AFF3: variants seen among roughly 807,000 people sequenced by gnomAD.
The protein encoded by AFF3 is ALF transcription elongation factor 3, also known as AF4/FMR2 family member 3.
A neutral mutation model predicts 129.7 loss-of-function variants in AFF3; 32 were observed. The ratio of observed to expected loss-of-function variants is 0.25; its 90% CI spans 0.19 to 0.33. The LOEUF (loss-of-function observed/expected upper bound fraction) is 0.33, where lower values mean the gene tolerates loss of function less well. AFF3 is among the 10% of genes least tolerant of loss of function. AFF3 has a pLI of 1.00. For missense variants in AFF3, 1,373 were observed against 1,592.0 expected (o/e 0.86, Z 2.34); for synonymous variants, 644 against 635.4 (o/e 1.01, Z -0.20).
At chr2:100,057,216 G>C (rs1686868203) in intron 4 of AFF3, among the ~76,000 whole-genome samples, 1 of 151,296 alleles carries the variant, frequency 6.6e-6, no homozygotes, top group Non-Finnish European at 1.5e-5. Flanking sequence ...AGCTACTCAG[G>C]AGGCTGAGGC....
At chr2:100,114,649 T>TG (rs1384463330) in intron 2 of AFF3, among the ~76,000 whole-genome samples, 3 of 152,104 alleles carry the variant, frequency 2.0e-5, no homozygotes, top group African/African-American at 7.2e-5. Context: ...CCCAAAGTGT[T>TG]GGGATTACAG....
At chr2:99,841,198 C>G (rs932660644) in intron 7 of AFF3, among the ~76,000 whole-genome samples, 1 of 152,284 alleles carries the variant, frequency 6.6e-6, no homozygotes, top group Admixed American at 6.5e-5. Flanking sequence ...TGACAGGTTG[C>G]TTTTATAACT....
intron 4 of AFF3, among the ~76,000 whole-genome samples, chr2:100,102,361 A>C (rs1158184746): frequency 6.6e-6 from 1 of 151,832 alleles, no homozygotes; most frequent in Non-Finnish European, 1.5e-5. Flanking sequence ...CCTCCCGGTC[A>C]AGCCAAACTG....
chr2:99,689,715 A>G (rs184235040), intron 11 of AFF3, among the ~76,000 whole-genome samples: 29 of 150,476 alleles, frequency 1.9e-4, no homozygotes, highest in African/African-American at 7.1e-4. Context: ...AGGAGACAAG[A>G]CCTGCAAAGA....
intron 8 of AFF3, among the ~76,000 whole-genome samples, chr2:99,753,502 A>T (rs80298549): frequency 1.3e-5 from 2 of 152,276 alleles, no homozygotes; most frequent in Non-Finnish European, 2.9e-5. Flanking sequence ...GCTCGAGGTG[A>T]GGACATTTCC....
intron 7 of AFF3, among the ~76,000 whole-genome samples, chr2:99,880,528 C>T (rs991175953): frequency 1.3e-5 from 2 of 152,146 alleles, no homozygotes; most frequent in Non-Finnish European, 2.9e-5. Context: ...GGATGGGCAG[C>T]GTGGGCTGGC....
chr2:99,635,150 T>C, intron 13 of AFF3, among the ~76,000 whole-genome samples: 1 of 151,812 alleles, frequency 6.6e-6, no homozygotes, highest in East Asian at 1.9e-4. Flanking sequence ...CACATATCTC[T>C]AGGTATATGA....
chr2:99,708,203 T>A (rs547264883), intron 11 of AFF3, among the ~76,000 whole-genome samples: 2 of 152,302 alleles, frequency 1.3e-5, no homozygotes, highest in South Asian at 4.2e-4. Flanking sequence ...TTATATTTTA[T>A]CTGGCAACAC....
chr2:99,563,718 G>A (rs1423923480), intron 20 of AFF3, among the ~76,000 whole-genome samples: 1 of 145,088 alleles, frequency 6.9e-6, no homozygotes, highest in Non-Finnish European at 1.5e-5. Context: ...GCTGAGGCAG[G>A]AGAATCACTT....
chr2:99,754,611 T>C (rs976562072), intron 8 of AFF3, among the ~76,000 whole-genome samples: 7 of 152,310 alleles, frequency 4.6e-5, no homozygotes, highest in African/African-American at 1.7e-4. Context: ...CCATAAAAAA[T>C]GAGTAACAGT....
intron 13 of AFF3, among the ~76,000 whole-genome samples, chr2:99,636,598 C>T (rs188170029): frequency 2.0e-5 from 3 of 152,098 alleles, no homozygotes; most frequent in South Asian, 2.1e-4. Context: ...CAGAATTTGG[C>T]GGATCGAATG....
At chr2:99,977,743 C>T (rs1224117779) in intron 7 of AFF3, among the ~76,000 whole-genome samples, 4 of 152,154 alleles carry the variant, frequency 2.6e-5, no homozygotes, top group African/African-American at 9.7e-5. Flanking sequence ...AGGGGACACA[C>T]AAGGAGCTGG....
intron 11 of AFF3, among the ~76,000 whole-genome samples, chr2:99,710,869 G>T (rs1434308498): frequency 2.0e-5 from 3 of 152,172 alleles, no homozygotes; most frequent in African/African-American, 7.2e-5. Context: ...AATACACTCT[G>T]CCAACAGCAG....
At chr2:99,624,793 G>A (rs1010355003) in intron 13 of AFF3, among the ~76,000 whole-genome samples, 1 of 152,258 alleles carries the variant, frequency 6.6e-6, no homozygotes, top group African/African-American at 2.4e-5. Context: ...AGGCCAGCCA[G>A]GTGCTGAGGC....
intron 7 of AFF3, among the ~76,000 whole-genome samples, chr2:99,862,880 C>T (rs977022371): frequency 1.3e-5 from 2 of 152,180 alleles, no homozygotes; most frequent in Non-Finnish European, 2.9e-5. Flanking sequence ...TAAAAAGACC[C>T]CTTTGGTCAT....
chr2:99,771,341 C>T (rs1575930319), intron 8 of AFF3, among the ~76,000 whole-genome samples: 1 of 151,342 alleles, frequency 6.6e-6, no homozygotes, highest in Middle Eastern at 3.4e-3. Flanking sequence ...AGCAAACCAC[C>T]GAGGTACACG....
intron 12 of AFF3, among the ~76,000 whole-genome samples, chr2:99,656,358 C>T (rs896418152): frequency 3.3e-5 from 5 of 152,142 alleles, no homozygotes; most frequent in Non-Finnish European, 7.4e-5. Context: ...ATTCTGCTGA[C>T]AATAAAGGAG....
intron 7 of AFF3, among the ~76,000 whole-genome samples, chr2:99,857,571 T>C (rs1325009484): frequency 6.6e-6 from 1 of 152,186 alleles, no homozygotes; most frequent in Non-Finnish European, 1.5e-5. Context: ...TGCTGTGCTT[T>C]TTAGGTGTAA....
chr2:100,025,270 C>G (rs1309598149), intron 4 of AFF3, among the ~76,000 whole-genome samples: 1 of 151,864 alleles, frequency 6.6e-6, no homozygotes, highest in Non-Finnish European at 1.5e-5. Flanking sequence ...AGCAGACAGT[C>G]AAATCAGGAA....
Sources: gnomAD v4.1 joint callset for allele counts (sites outside exome capture counted in the v4.1 genomes callset) on GRCh38, gnomAD v4.1.1 for gene constraint, MANE v1.5 for transcripts, NCBI Gene and HGNC (gene_info 2026-07-23, HGNC 2026-07-21) for gene names.